CALD1: variants seen among roughly 807,000 people sequenced by gnomAD.
The protein encoded by CALD1 is caldesmon.
CALD1 carries 33 observed loss-of-function variants against 99.9 expected under a neutral mutation model. The observed-to-expected ratio is 0.33, with a 90% CI of 0.25 to 0.44. The LOEUF (loss-of-function observed/expected upper bound fraction) is 0.44. CALD1 is among the 20% of genes least tolerant of loss of function. The probability of loss-of-function intolerance (pLI) is 1.00; values close to 1 mark genes in which losing one functional copy is unlikely to be tolerated. For missense variants in CALD1, 861 were observed against 962.1 expected (o/e 0.89, Z 1.39); for synonymous variants, 310 against 325.0 (o/e 0.95, Z 0.50).
At chr7:134,764,722 G>A (rs1796810364) in intron 1 of CALD1, among the ~76,000 whole-genome samples, 1 of 152,140 alleles carries the variant, frequency 6.6e-6, no homozygotes, top group Admixed American at 6.5e-5. Flanking sequence ...AAGGGTGTGA[G>A]CTGGGTGCTG....
At chr7:134,791,398 A>G (rs1797527718) in intron 1 of CALD1, among the ~76,000 whole-genome samples, 1 of 152,114 alleles carries the variant, frequency 6.6e-6, no homozygotes, top group South Asian at 2.1e-4. Context: ...GGGTTTCACT[A>G]TGTTGGCCAG....
intron 3 of CALD1, among the ~76,000 whole-genome samples, chr7:134,923,732 T>C (rs958682960): frequency 1.3e-5 from 2 of 152,242 alleles, no homozygotes. Context: ...CCTGTGTACT[T>C]GTCTTTTTGG....
At chr7:134,909,302 G>A (rs1427757046) in intron 3 of CALD1, among the ~76,000 whole-genome samples, 4 of 152,176 alleles carry the variant, frequency 2.6e-5, no homozygotes, top group African/African-American at 9.7e-5. Flanking sequence ...AAAGAATTTT[G>A]GATTAATCAG....
At chr7:134,945,838 A>G (rs1482371990) in intron 7 of CALD1, among the ~76,000 whole-genome samples, 1 of 152,242 alleles carries the variant, frequency 6.6e-6, no homozygotes, top group Non-Finnish European at 1.5e-5. Context: ...CTCTGTAAGA[A>G]TAGACATAAA....
chr7:134,950,622 A>G (rs1018890654), intron 9 of CALD1, 108 bp downstream of exon 9: 3 of 929,514 alleles, frequency 3.2e-6, no homozygotes, highest in Non-Finnish European at 3.3e-6. Context: ...TCTTTTTGCT[A>G]TCCTTCCAAG....
chr7:134,952,770 A>T (rs1168438768), intron 9 of CALD1, among the ~76,000 whole-genome samples: 5 of 152,096 alleles, frequency 3.3e-5, no homozygotes, highest in Non-Finnish European at 5.9e-5. Flanking sequence ...TGCCCGGCTC[A>T]CTTAGTCTTT....
intron 2 of CALD1, among the ~76,000 whole-genome samples, chr7:134,860,917 A>G (rs1051663381): frequency 1.3e-5 from 2 of 152,206 alleles, no homozygotes; most frequent in African/African-American, 4.8e-5. Flanking sequence ...GAATGAGTAA[A>G]AATGTAGAGG....
chr7:134,933,960 T>G lies in CALD1; in HGVS notation c.1191T>G (p.His397Gln), dbSNP rs1198927615. 2 of 1,613,828 alleles carry G rather than the reference T, an allele frequency of 1.2e-6. No homozygotes were observed. Among genetic ancestry groups the G allele is most frequent in the East Asian group, 4.5e-5 (2 of 44,874 alleles). ...ACAAGCAGCTAGAAGAGAAAAAACA[T>G]GCCATGCAAGAGACAAAGATAAAAG... ...KRNKQLEEKK[H>Q]AMQETKIKGE... is the part of the protein sequence containing the mutation. The change falls in exon 5 of 15, where the codon CAT becomes CAG. Residue 397 changes from histidine (H) to glutamine (Q), a missense_variant. By Grantham distance (24) the His-to-Gln change is conservative. This residue lies in a region of CALD1 where 293 missense variants were observed against 262.7 expected (regional missense o/e 1.12). Coordinates refer to ENST00000361675, the MANE Select transcript of CALD1 (RefSeq NM_033138.4).
chr7:134,906,607 T>G (rs933634817), intron 3 of CALD1, among the ~76,000 whole-genome samples: 2 of 152,274 alleles, frequency 1.3e-5, no homozygotes, highest in Non-Finnish European at 2.9e-5. Context: ...CTGTACATTC[T>G]TCTTTATTTA....
intron 11 of CALD1, 130 bp from the exon 12 acceptor site, chr7:134,959,844 C>G: frequency 1.2e-6 from 1 of 862,444 alleles, no homozygotes; most frequent in Non-Finnish European, 1.8e-6. Flanking sequence ...GAAATTATCA[C>G]TCTCATTTTT....
At chr7:134,952,653 T>C (rs1443581997) in intron 9 of CALD1, among the ~76,000 whole-genome samples, 1 of 151,970 alleles carries the variant, frequency 6.6e-6, no homozygotes, top group Non-Finnish European at 1.5e-5. Context: ...GTATTTTTAG[T>C]AGAGACAGGG....
chr7:134,783,723 G>C lies in CALD1; in HGVS notation c.-130+3974G>C, dbSNP rs1368668981. Among the ~76,000 whole-genome samples the C allele has an allele frequency of 2.0e-5, 3 of 152,146 alleles. No individual in the cohort carries two copies. Among genetic ancestry groups the C allele is most frequent in the African/African-American group, 7.2e-5 (3 of 41,432 alleles). On this transcript the variant is annotated intron_variant, in intron 1 of 14. Coordinates refer to ENST00000361675, the MANE Select transcript of CALD1 (RefSeq NM_033138.4). The surrounding 1 kb of genome is among the most constrained non-coding windows in gnomAD (Gnocchi z 4.3). ...CACGCTTCATGATTGACAGGTAAGAGACCTTTGAGCTGGGGCATGTAAGAT... is the reference window on the plus strand; with the variant it reads ...CACGCTTCATGATTGACAGGTAAGACACCTTTGAGCTGGGGCATGTAAGAT...
At chr7:134,920,368 G>C in intron 3 of CALD1, 3 of 258,228 alleles carry the variant, frequency 1.2e-5, no homozygotes, top group Non-Finnish European at 1.8e-5. Context: ...CCTACATGAG[G>C]TTTTTAACTT....
At chr7:134,945,561 T>C (rs1806795478) in intron 7 of CALD1, among the ~76,000 whole-genome samples, 1 of 152,214 alleles carries the variant, frequency 6.6e-6, no homozygotes, top group Non-Finnish European at 1.5e-5. Flanking sequence ...ACCTGTGGTT[T>C]CCTTGTTTGT....
intron 1 of CALD1, among the ~76,000 whole-genome samples, chr7:134,840,255 C>T (rs1799598984): frequency 6.6e-6 from 1 of 152,094 alleles, no homozygotes; most frequent in African/African-American, 2.4e-5. Flanking sequence ...TTCCTTTTTC[C>T]ATATAGATAT....
chr7:134,713,970 A>G, the CALD1 span, among the ~76,000 whole-genome samples: 1 of 152,056 alleles, frequency 6.6e-6, no homozygotes, highest in East Asian at 1.9e-4. Context: ...TGATGGGATC[A>G]GGGGGATGGA....
intron 3 of CALD1, among the ~76,000 whole-genome samples, chr7:134,889,215 C>G (rs945617249): frequency 1.3e-5 from 2 of 152,200 alleles, no homozygotes; most frequent in Admixed American, 6.5e-5. Context: ...ATCAAGGTGT[C>G]AGCAGGGCTG....
At chr7:134,860,949 T>G (rs561032726) in intron 2 of CALD1, among the ~76,000 whole-genome samples, 47 of 152,280 alleles carry the variant, frequency 3.1e-4, no homozygotes, top group African/African-American at 1.1e-3. Flanking sequence ...AAGACATATT[T>G]GAGAGGTGAT....
chr7:134,822,818 T>C (rs543659135), intron 1 of CALD1, among the ~76,000 whole-genome samples: 3 of 152,374 alleles, frequency 2.0e-5, no homozygotes, highest in African/African-American at 2.4e-5. Context: ...TTCTACACTC[T>C]ATGTTCTATT....
Sources: allele counts gnomAD v4.1 joint callset (sites outside exome capture counted in the v4.1 genomes callset), GRCh38; gene constraint gnomAD v4.1.1; regional missense constraint gnomAD v4.1.1; non-coding constraint Gnocchi (gnomAD v3.1); transcripts MANE v1.5; gene names NCBI Gene and HGNC (gene_info 2026-07-23, HGNC 2026-07-21).